SNW1: variants seen among roughly 807,000 people sequenced by gnomAD.
The protein encoded by SNW1 is SNW domain-containing protein 1.
A neutral mutation model predicts 75.6 loss-of-function variants in SNW1; 9 were observed. The ratio of observed to expected loss-of-function variants is 0.12; its 90% CI spans 0.07 to 0.21. The LOEUF is 0.21. SNW1 is among the 10% of genes least tolerant of loss of function. SNW1 has a pLI of 1.00. For missense variants in SNW1, 409 were observed against 670.9 expected (o/e 0.61, Z 4.31); for synonymous variants, 200 against 219.1 (o/e 0.91, Z 0.77).
intron 10 of SNW1, among the ~76,000 whole-genome samples, chr14:77,729,189 ATTC>A (rs2080609299): frequency 6.6e-6 from 1 of 152,124 alleles, no homozygotes; most frequent in African/African-American, 2.4e-5. Flanking sequence ...ACTATAATAA[ATTC>A]TTCATCTTTC....
At chr14:77,749,252 TAA>T (rs746107833) in intron 3 of SNW1, among the ~76,000 whole-genome samples, 3 of 152,046 alleles carry the variant, frequency 2.0e-5, no homozygotes, top group Non-Finnish European at 4.4e-5. Context: ...AAAAAATATA[TAA>T]AGAGAATGTG....
Position 77,717,985 on chromosome 14 carries a change from C to T in SNW1, c.*103G>A, listed in dbSNP as rs2080502954. The T allele has an allele frequency of 9.7e-7, 1 of 1,032,442 alleles. No individual in the cohort carries two copies. The highest frequency in any genetic ancestry group is 2.0e-5 in the South Asian group (1 of 51,156). 64.0% of individuals were successfully genotyped at this position (1,032,442 alleles called of 1,614,324 possible). A position where few individuals can be genotyped will look rare whatever the true frequency, so the allele number is the denominator to read the frequency against. On this transcript the variant is annotated 3_prime_UTR_variant, in exon 14 of 14. Coordinates refer to ENST00000261531, the MANE Select transcript of SNW1 (RefSeq NM_012245.3). ...AAAAAGTAGTGCTGGGATCTGGCAC[C>T]CAGATTTGGTTTTTATCCTGACCAT...
In SNW1 at chr14:77,751,174, A is replaced by T. The variant is rs1032211432; in HGVS notation, c.330+145T>A. Reference sequence around the variant, plus strand: ...TCAAACCTCCTACCTCTGCCTCCCAAGTAGCTGGGAATATAGGTACGAGCC... The same window carrying T: ...TCAAACCTCCTACCTCTGCCTCCCATGTAGCTGGGAATATAGGTACGAGCC... On this transcript the variant is annotated intron_variant, in intron 3 of 13. Transcript: ENST00000261531. The T allele has an allele frequency of 3.3e-5, 25 of 752,292 alleles. No homozygotes were observed. In the African/African-American group the frequency reaches 3.7e-4, roughly 11 times the overall value. The allele number at this position is 752,292 out of a possible 1,614,324, so 46.6% of individuals were successfully genotyped here.
intron 10 of SNW1, among the ~76,000 whole-genome samples, chr14:77,725,366 T>A (rs925782960): frequency 2.0e-5 from 3 of 152,220 alleles, no homozygotes; most frequent in African/African-American, 7.2e-5. Flanking sequence ...GCTTTTGCTG[T>A]CTGTGCTTTT....
At chr14:77,723,341 G>A (rs376525580) in intron 10 of SNW1, 64 bp from the exon 11 acceptor site, 29 of 1,177,804 alleles carry the variant, frequency 2.5e-5, no homozygotes, top group South Asian at 1.9e-4. Flanking sequence ...ACGTGTACAC[G>A]TGTGTATATA....
chr14:77,735,395 C>T (rs1044669168), intron 7 of SNW1, among the ~76,000 whole-genome samples: 4 of 152,264 alleles, frequency 2.6e-5, no homozygotes, highest in African/African-American at 9.6e-5. Flanking sequence ...AAGTGATTCT[C>T]CTGCCTCAGC....
At chr14:77,747,778 G>A (rs1291427927) in intron 3 of SNW1, among the ~76,000 whole-genome samples, 5 of 148,934 alleles carry the variant, frequency 3.4e-5, no homozygotes, top group East Asian at 2.1e-4. Context: ...CTGGCCAGCC[G>A]CCCTGTCCGG....
At chr14:77,753,941 A>C (rs1329303206) in intron 2 of SNW1, among the ~76,000 whole-genome samples, 1 of 151,836 alleles carries the variant, frequency 6.6e-6, no homozygotes, top group East Asian at 1.9e-4. Context: ...AAACGGAGCG[A>C]GATTCCATCC....
chr14:77,759,472 C>T lies in SNW1; in HGVS notation c.14+1642G>A, dbSNP rs189014810. On this transcript the variant is annotated intron_variant, in intron 1 of 13. Transcript: ENST00000261531. ...GAGGCTGCAGTGGGCTGTGATTGGG[C>T]CACTGCACTCCAGCCTGGGCAAGAG... is the stretch of plus-strand genomic sequence containing the variant. Among the ~76,000 whole-genome samples the T allele has an allele frequency of 1.6e-3, 236 of 152,238 alleles. 5 individuals are homozygous for T. The highest frequency in any genetic ancestry group is 1.3e-3 in the Non-Finnish European group (91 of 68,022).
intron 3 of SNW1, among the ~76,000 whole-genome samples, chr14:77,744,457 A>G (rs1285119907): frequency 1.3e-5 from 2 of 150,958 alleles, no homozygotes; most frequent in Non-Finnish European, 3.0e-5. Flanking sequence ...AAAAAAAAAA[A>G]AAAAAAAAAG....
At chr14:77,725,264 C>T (rs1364975412) in intron 10 of SNW1, among the ~76,000 whole-genome samples, 3 of 152,210 alleles carry the variant, frequency 2.0e-5, no homozygotes, top group African/African-American at 7.2e-5. Flanking sequence ...TATTTTGCAA[C>T]CATTTTCTTC....
chr14:77,719,104 A>G (rs1337464173), intron 12 of SNW1, among the ~76,000 whole-genome samples: 1 of 152,028 alleles, frequency 6.6e-6, no homozygotes, highest in Non-Finnish European at 1.5e-5. Flanking sequence ...GGGTTTTGCC[A>G]TATTGCCCAG....
chr14:77,760,928 CTG>C lies in SNW1; in HGVS notation c.14+184_14+185del. ...CGGGTGAACTAAACCCGGGAAACCGCTGAAAGACCCCAGCTTCGACTAGGCCT... is the reference window on the plus strand; with the variant it reads ...CGGGTGAACTAAACCCGGGAAACCGCAAAGACCCCAGCTTCGACTAGGCCT... On this transcript the variant is annotated intron_variant, in intron 1 of 13. Coordinates refer to ENST00000261531, the MANE Select transcript of SNW1 (RefSeq NM_012245.3). 2.2e-6 allele frequency: 3 copies of C among 1,383,838 alleles called. No homozygotes were observed. In the South Asian group the frequency reaches 3.6e-5, roughly 17 times the overall value. The allele number at this position is 1,383,838 out of a possible 1,614,324, so 85.7% of individuals were successfully genotyped here.
At chr14:77,726,746 G>A (rs540631626) in intron 10 of SNW1, among the ~76,000 whole-genome samples, 1 of 151,960 alleles carries the variant, frequency 6.6e-6, no homozygotes, top group Non-Finnish European at 1.5e-5. Flanking sequence ...CCTGGGAAGC[G>A]GAGGTTGCAG....
intron 2 of SNW1, among the ~76,000 whole-genome samples, chr14:77,753,027 C>T (rs1345207656): frequency 6.6e-6 from 1 of 152,202 alleles, no homozygotes; most frequent in East Asian, 1.9e-4. Flanking sequence ...AGAACTGTAG[C>T]TGTAGCATTA....
chr14:77,746,922 GTCTCCC>G (rs745650463), intron 3 of SNW1, among the ~76,000 whole-genome samples: 259 of 150,548 alleles, frequency 1.7e-3, no homozygotes, highest in African/African-American at 1.8e-3. Context: ...TCTGTGCACG[GTCTCCC>G]TCTCCCTCTC....
rs200805286 is a variant in SNW1 at position 77,732,666 on chromosome 14, T to C, written c.775-65A>G. 551 of 954,786 alleles carry C rather than the reference T, an allele frequency of 5.8e-4. 6 individuals carry two copies. The East Asian group carries it at 0.013, about 22-fold the overall frequency. The allele number at this position is 954,786 out of a possible 1,614,324, so 59.1% of individuals were successfully genotyped here. On this transcript the variant is annotated intron_variant, in intron 8 of 13. Transcript: ENST00000261531. ...CTTCAATTAATCGTCTGAAGTTAAA[T>C]TAATTTTATTTTTTTCGAGCTGGAG...
chr14:77,736,041 G>C, intron 6 of SNW1, 35 bp from the exon 7 acceptor site: 1 of 1,500,834 alleles, frequency 6.7e-7, no homozygotes, highest in Non-Finnish European at 9.2e-7. Context: ...GAGTGATATA[G>C]TTTCCTCCCT....
At chr14:77,730,908 G>T in intron 10 of SNW1, 80 bp downstream of exon 10, 1 of 1,442,972 alleles carries the variant, frequency 6.9e-7, no homozygotes, top group Non-Finnish European at 9.5e-7. Flanking sequence ...TACTTTATAT[G>T]CAGTAGGAAA....
Sources: gnomAD v4.1 joint callset for allele counts (sites outside exome capture counted in the v4.1 genomes callset) on GRCh38, gnomAD v4.1.1 for gene constraint, MANE v1.5 for transcripts, NCBI Gene and HGNC (gene_info 2026-07-23, HGNC 2026-07-21) for gene names.